NTRK2: variants seen among roughly 807,000 people sequenced by gnomAD.
The protein encoded by NTRK2 is BDNF/NT-3 growth factors receptor.
A neutral mutation model predicts 94.5 loss-of-function variants in NTRK2; 13 were observed. That is an observed-to-expected ratio of 0.14 (90% confidence interval 0.09 to 0.22). The LOEUF (loss-of-function observed/expected upper bound fraction) is 0.22. Among genes scored for constraint, NTRK2 ranks in the 10% least tolerant of loss-of-function variants. The pLI is 1.00. For synonymous variants in NTRK2, 372 were observed against 407.4 expected (o/e 0.91, Z 1.05); for missense variants, 639 against 1,071.2 (o/e 0.60, Z 5.63).
chr9:84,770,753 C>T (rs1431667771), intron 12 of NTRK2, among the ~76,000 whole-genome samples: 3 of 152,116 alleles, frequency 2.0e-5, no homozygotes, highest in Non-Finnish European at 4.4e-5. Context: ...ATATTTTTTT[C>T]CACGTTTCAT....
Position 84,911,625 on chromosome 9 carries a change from T to C in NTRK2, c.1634-22537T>C, listed in dbSNP as rs1009989991. ...GGTTTGTACTGTTTTATTCTTGATG[T>C]TGGTCATTTGTGTCTTCTCTCTTAT... is the stretch of plus-strand genomic sequence containing the variant. On this transcript the variant is annotated intron_variant, in intron 14 of 18. Transcript: ENST00000277120. Among the ~76,000 whole-genome samples the C allele has an allele frequency of 3.9e-5, 6 of 152,198 alleles. No homozygotes were observed. In the East Asian group the frequency reaches 9.6e-4, roughly 24 times the overall value.
At chr9:84,871,947 C>T in intron 14 of NTRK2, 2 of 1,597,962 alleles carry the variant, frequency 1.3e-6, no homozygotes, top group Admixed American at 3.4e-5. Context: ...GACGTCACTC[C>T]TTAGCTTCCA....
intron 14 of NTRK2, among the ~76,000 whole-genome samples, chr9:84,893,809 A>G (rs1004357492): frequency 2.0e-5 from 3 of 152,210 alleles, no homozygotes; most frequent in South Asian, 2.1e-4. Flanking sequence ...TCTGCCTTCA[A>G]TGTAGTAAAA....
intron 2 of NTRK2, among the ~76,000 whole-genome samples, chr9:84,690,548 C>CAA (rs111344866): frequency 9.8e-4 from 147 of 149,580 alleles, no homozygotes; most frequent in African/African-American, 2.3e-3. Flanking sequence ...TAATTTATTA[C>CAA]AAAAAAAAAC....
intron 15 of NTRK2, among the ~76,000 whole-genome samples, chr9:84,938,111 A>G (rs1239876458): frequency 6.6e-6 from 1 of 152,224 alleles, no homozygotes; most frequent in East Asian, 1.9e-4. Flanking sequence ...GTTAAAGTGA[A>G]TCAGAGGTGT....
chr9:84,901,737 A>C (rs985637489), intron 14 of NTRK2, among the ~76,000 whole-genome samples: 1 of 152,166 alleles, frequency 6.6e-6, no homozygotes, highest in Non-Finnish European at 1.5e-5. Context: ...ACCCCAGTCC[A>C]GTCCAGGGCT....
chr9:84,741,789 C>A (rs2063670671), intron 9 of NTRK2, 103 bp from the exon 10 acceptor site: 5 of 988,400 alleles, frequency 5.1e-6, no homozygotes, highest in African/African-American at 3.2e-5. Context: ...TATTAAATTG[C>A]AAAACTTCAG....
intron 12 of NTRK2, among the ~76,000 whole-genome samples, chr9:84,842,368 C>T (rs910777132): frequency 3.9e-5 from 6 of 152,124 alleles, no homozygotes; most frequent in African/African-American, 1.2e-4. Flanking sequence ...AGGGAAAGAA[C>T]GTTTTTAAGG....
At chr9:84,903,906 G>A (rs1161773021) in intron 14 of NTRK2, among the ~76,000 whole-genome samples, 2 of 152,118 alleles carry the variant, frequency 1.3e-5, no homozygotes, top group African/African-American at 2.4e-5. Flanking sequence ...GTTTTAGGCT[G>A]TTCAAAACTA....
In NTRK2 at chr9:84,956,366, G is replaced by GC. The variant is rs576202439; in HGVS notation, c.2172+854dup. On this transcript the variant is annotated intron_variant, in intron 17 of 18. Transcript: ENST00000277120. ...CAGATCCACTGATGACCTAGAACTG[G>GC]CCCCCGGGATATGTTAACTTTGTTA... Among the ~76,000 whole-genome samples, 17 of 152,304 alleles carry GC rather than the reference G, an allele frequency of 1.1e-4. No homozygotes were observed. The South Asian group carries it at 3.3e-3, about 30-fold the overall frequency.
chr9:84,710,207 C>T (rs1024291663), intron 5 of NTRK2, among the ~76,000 whole-genome samples: 4 of 152,166 alleles, frequency 2.6e-5, no homozygotes, highest in Non-Finnish European at 2.9e-5. Flanking sequence ...GAAGTTTGAG[C>T]TTAGAAAGTG....
chr9:84,987,669 A>C (rs1828499514), intron 17 of NTRK2, among the ~76,000 whole-genome samples: 1 of 152,202 alleles, frequency 6.6e-6, no homozygotes, highest in Non-Finnish European at 1.5e-5. Context: ...GAGGAGAATT[A>C]ACTGCTTTCA....
chr9:84,875,087 T>C, intron 14 of NTRK2: 6 of 1,060,196 alleles, frequency 5.7e-6, no homozygotes, highest in Non-Finnish European at 5.7e-6. Context: ...ACCACTGATA[T>C]CGTTTGGATA....
chr9:84,990,259 A>C (rs757844052), intron 17 of NTRK2, among the ~76,000 whole-genome samples: 11 of 152,246 alleles, frequency 7.2e-5, no homozygotes, highest in Non-Finnish European at 1.5e-4. Context: ...GATTTGTCAA[A>C]TGTCATGTTG....
At chr9:84,798,270 A>G (rs1221768151) in intron 12 of NTRK2, among the ~76,000 whole-genome samples, 1 of 152,072 alleles carries the variant, frequency 6.6e-6, no homozygotes, top group Non-Finnish European at 1.5e-5. Context: ...CCTAGTTATT[A>G]TACCTCCCAA....
At chr9:84,837,375 C>T (rs1035303900) in intron 12 of NTRK2, among the ~76,000 whole-genome samples, 3 of 152,104 alleles carry the variant, frequency 2.0e-5, no homozygotes, top group Non-Finnish European at 2.9e-5. Flanking sequence ...CTAATTCTGC[C>T]GCTCACTGGC....
intron 14 of NTRK2, among the ~76,000 whole-genome samples, chr9:84,869,710 C>CA (rs1476843577): frequency 6.6e-6 from 1 of 152,064 alleles, no homozygotes; most frequent in African/African-American, 2.4e-5. Context: ...TCCTTCATAG[C>CA]ACAGGACGTG....
intron 16 of NTRK2, among the ~76,000 whole-genome samples, chr9:84,954,222 G>T (rs1332172647): frequency 6.6e-6 from 1 of 152,222 alleles, no homozygotes; most frequent in Non-Finnish European, 1.5e-5. Context: ...GGCAGAGCCC[G>T]ACAGCAAACC....
At chr9:84,790,140 A>C (rs1327765516) in intron 12 of NTRK2, among the ~76,000 whole-genome samples, 2 of 152,112 alleles carry the variant, frequency 1.3e-5, no homozygotes, top group African/African-American at 2.4e-5. Context: ...ATATGCCAGT[A>C]CTCTCTCAGA....
Sources: allele counts gnomAD v4.1 joint callset (sites outside exome capture counted in the v4.1 genomes callset), GRCh38; gene constraint gnomAD v4.1.1; transcripts MANE v1.5; gene names NCBI Gene and HGNC (gene_info 2026-07-23, HGNC 2026-07-21).